Variants in MED17 observed in about 807,000 individuals in gnomAD.
MED17 encodes the protein mediator of RNA polymerase II transcription subunit 17.
In MED17, 49 loss-of-function variants were observed where a neutral mutation model predicts 80.8. The observed-to-expected ratio is 0.61, with a 90% confidence interval of 0.48 to 0.77. The LOEUF is 0.77. MED17 is among the 30% of genes least tolerant of loss of function. The pLI, the probability that MED17 is intolerant of heterozygous loss-of-function variation, is 0.00. For synonymous variants in MED17, 281 were observed against 280.4 expected, an observed-to-expected ratio of 1.00 and a Z score of -0.02; for missense variants, 718 against 787.0, an observed-to-expected ratio of 0.91 and a Z score of 1.05.
In MED17 at chr11:93,784,300, T is replaced by C; in HGVS notation, c.-214T>C. The C allele has an allele frequency of 1.6e-6, 1 of 640,876 alleles. No individual in the cohort carries two copies. Among genetic ancestry groups the C allele is most frequent in the Non-Finnish European group, 2.6e-6 (1 of 386,510 alleles). 39.7% of individuals were successfully genotyped at this position (640,876 alleles called of 1,614,324 possible). A position where few individuals can be genotyped will look rare whatever the true frequency, so the allele number is the denominator to read the frequency against. ...CCTGCCCAGTTTTGCTCCGAAAGAC[T>C]TACCGAGGAGGGAGCTTGCGGTGCG... On this transcript the variant is annotated 5_prime_UTR_variant, in exon 1 of 12. Coordinates refer to ENST00000251871, the MANE Select transcript of MED17 (RefSeq NM_004268.5).
chr11:93,785,934 A>G (rs566399994), intron 1 of MED17, among the ~76,000 whole-genome samples: 2 of 152,186 alleles, frequency 1.3e-5, no homozygotes, highest in South Asian at 2.1e-4. Flanking sequence ...AGCCAGTGAG[A>G]TCAAGGCTGC....
Position 93,807,597 on chromosome 11 carries a change from T to C in MED17, c.1546T>C (p.Tyr516His). ...AGATGGAAGAGTAATTACACTGTCT[T>C]ATCAGGAGCAGGAGCTACAGGATTT... is the stretch of plus-strand genomic sequence containing the variant. ...HRDGRVITLSYQEQELQDFLL... is the reference protein window; with the variant it reads ...HRDGRVITLSHQEQELQDFLL... The change falls in exon 10 of 12, where the codon TAT becomes CAT. Residue 516 changes from tyrosine to histidine, a missense_variant. Tyr to His is a moderately conservative substitution (Grantham distance 83). Transcript: ENST00000251871. 6.2e-7 allele frequency: 1 copy of C among 1,612,974 alleles called. No homozygotes were observed. The highest frequency in any genetic ancestry group is 8.5e-7 in the Non-Finnish European group (1 of 1,179,010).
chr11:93,805,826 T>C (rs11020521), intron 9 of MED17, among the ~76,000 whole-genome samples: 47,113 of 151,836 alleles, frequency 0.31, 7,757 homozygotes, highest in South Asian at 0.41. Flanking sequence ...AAGCCAGGCA[T>C]GGTTGCACAC....
chr11:93,792,309 A>G (rs1414083557), intron 3 of MED17, among the ~76,000 whole-genome samples: 1 of 152,222 alleles, frequency 6.6e-6, no homozygotes, highest in African/African-American at 2.4e-5. Flanking sequence ...TAGTTGGGTT[A>G]TTTTGAATCC....
At chr11:93,811,742 G>A in intron 11 of MED17, 111 bp from the exon 12 acceptor site, 2 of 982,360 alleles carry the variant, frequency 2.0e-6, no homozygotes, top group Non-Finnish European at 3.2e-6. Flanking sequence ...GAATATTTAA[G>A]TTGGTAGACA....
In MED17 at chr11:93,813,461, C is replaced by T. The variant is rs746813928; in HGVS notation, c.*1397C>T. ...TTGAGTGCTTCAAAAATTATTGTTG[C>T]CTGCAAAATTTGCCTTGGTCAATAG... On this transcript the variant is annotated 3_prime_UTR_variant, in exon 12 of 12. Transcript: ENST00000251871. The T allele has an allele frequency of 6.6e-6, 1 of 152,072 alleles. No homozygotes were observed. Among genetic ancestry groups the T allele is most frequent in the African/African-American group, 2.4e-5 (1 of 41,398 alleles). The allele number at this position is 152,072 out of a possible 1,614,324, so 9.4% of individuals were successfully genotyped here. A position where few individuals can be genotyped will look rare whatever the true frequency, so the allele number is the denominator to read the frequency against.
chr11:93,789,458 T>C (rs548673138), intron 2 of MED17: 1 of 152,296 alleles, frequency 6.6e-6, no homozygotes, highest in Admixed American at 6.5e-5. Context: ...AGGAACTCTT[T>C]TATTTACGTT....
chr11:93,808,750 T>C (rs1565294889), intron 10 of MED17: 1 of 152,046 alleles, frequency 6.6e-6, no homozygotes, highest in Admixed American at 6.5e-5. Context: ...TGGCTTTGGT[T>C]ACTTTAAGCA....
chr11:93,801,852 A>G lies in MED17; in HGVS notation c.1346A>G (p.Asp449Gly). The G allele has an allele frequency of 1.2e-6, 2 of 1,613,590 alleles. No homozygotes were observed. The highest frequency in any genetic ancestry group is 1.7e-6 in the Non-Finnish European group (2 of 1,179,856). Residue 449 changes from aspartate (D) to glycine (G), a missense_variant, in exon 9 of 12, where the codon GAC (aspartate) becomes GGC (glycine). Asp to Gly is a moderately conservative substitution (Grantham distance 94). Coordinates refer to ENST00000251871, the MANE Select transcript of MED17 (RefSeq NM_004268.5). ...FLRSRAAATI[D>G]SLASRIEDPQ... Reference sequence around the variant, plus strand: ...TTTAAAAGAGCTGCTGCAACCATTGACAGCTTAGCAAGCCGAATTGAGGAT... The same window carrying G: ...TTTAAAAGAGCTGCTGCAACCATTGGCAGCTTAGCAAGCCGAATTGAGGAT...
intron 10 of MED17, chr11:93,809,516 A>G (rs1565295064): frequency 8.0e-6 from 5 of 623,506 alleles, no homozygotes; most frequent in East Asian, 2.8e-5. Flanking sequence ...AGCAAGTATC[A>G]GGCAACTTTA....
chr11:93,802,099 G>A, intron 9 of MED17, 127 bp downstream of exon 9: 1 of 875,220 alleles, frequency 1.1e-6, no homozygotes, highest in African/African-American at 1.7e-5. Context: ...AATTATATAA[G>A]CTGTAGAGTG....
chr11:93,806,594 A>C (rs1944027990), intron 9 of MED17: 2 of 152,220 alleles, frequency 1.3e-5, no homozygotes, highest in African/African-American at 4.8e-5. Context: ...TATTTCAGTA[A>C]GAGAAGGTAA....
At chr11:93,802,293 C>T (rs1350095530) in intron 9 of MED17, among the ~76,000 whole-genome samples, 1 of 151,950 alleles carries the variant, frequency 6.6e-6, no homozygotes, top group East Asian at 1.9e-4. Context: ...TTTTAAGAAA[C>T]ATGTCTATGT....
intron 9 of MED17, among the ~76,000 whole-genome samples, chr11:93,803,260 C>T (rs913024453): frequency 1.3e-5 from 2 of 152,122 alleles, no homozygotes; most frequent in African/African-American, 2.4e-5. Flanking sequence ...CTATTGTTTT[C>T]TTTCTTTTTG....
Position 93,809,734 on chromosome 11 carries a change from A to C in MED17, c.1602A>C (p.Val534=), listed in dbSNP as rs2135723015. The part of the protein sequence containing the change: ...FLLSQMSQHQ[V]HAVQQLAKVM... Reference sequence around the variant, plus strand: ...ATTCACAGATGTCACAGCACCAGGTACATGCAGTTCAGCAACTCGCCAAGG... The same window carrying C: ...ATTCACAGATGTCACAGCACCAGGTCCATGCAGTTCAGCAACTCGCCAAGG... Residue 534 remains valine (V), a synonymous_variant, in exon 11 of 12, where the codon GTA becomes GTC. Coordinates refer to ENST00000251871, the MANE Select transcript of MED17 (RefSeq NM_004268.5). 1 of 1,614,220 alleles carries C rather than the reference A, an allele frequency of 6.2e-7. No individual in the cohort carries two copies. The highest frequency in any genetic ancestry group is 8.5e-7 in the Non-Finnish European group (1 of 1,180,034).
intron 9 of MED17, among the ~76,000 whole-genome samples, chr11:93,802,411 G>GT (rs901416354): frequency 2.6e-5 from 4 of 151,820 alleles, no homozygotes; most frequent in African/African-American, 9.7e-5. Flanking sequence ...TTGTTTTTTT[G>GT]TTTTTTTGAT....
chr11:93,784,912 C>CT, intron 1 of MED17, 149 bp downstream of exon 1: 1 of 1,153,438 alleles, frequency 8.7e-7, no homozygotes, highest in Non-Finnish European at 1.2e-6. Flanking sequence ...TGGTCGTCAT[C>CT]TTTTTGTTGC....
intron 2 of MED17, 22 bp downstream of exon 2, chr11:93,788,189 A>G: frequency 1.3e-6 from 2 of 1,596,324 alleles, no homozygotes; most frequent in Non-Finnish European, 1.7e-6. Context: ...CTTTAATTGA[A>G]TAATAAAATT....
chr11:93,795,275 T>C, intron 6 of MED17: 2 of 628,988 alleles, frequency 3.2e-6, no homozygotes, highest in South Asian at 2.0e-5. Context: ...AAGCTACATA[T>C]TAAAAATTTG....
Sources: gnomAD v4.1 joint callset for allele counts (sites outside exome capture counted in the v4.1 genomes callset) on GRCh38, gnomAD v4.1.1 for gene constraint, MANE v1.5 for transcripts, NCBI Gene and HGNC (gene_info 2026-07-23, HGNC 2026-07-21) for gene names.